KIAA1328: variants seen among roughly 807,000 people sequenced by gnomAD.
KIAA1328 encodes protein hinderin.
In KIAA1328, 52 loss-of-function variants were observed where a neutral mutation model predicts 68.1. The ratio of observed to expected loss-of-function variants is 0.76; its 90% CI spans 0.61 to 0.96. The LOEUF is 0.96. Ranked by LOEUF, KIAA1328 falls within the 40% of genes least tolerant of loss-of-function variation. The probability of loss-of-function intolerance (pLI) is 0.00; values close to 1 mark genes in which losing one functional copy is unlikely to be tolerated. For missense variants in KIAA1328, 641 were observed against 677.6 expected (o/e 0.95, Z 0.60); for synonymous variants, 232 against 239.4 (o/e 0.97, Z 0.28).
At chr18:36,873,995 T>A (rs1271501804) in intron 4 of KIAA1328, among the ~76,000 whole-genome samples, 2 of 152,240 alleles carry the variant, frequency 1.3e-5, no homozygotes, top group Non-Finnish European at 2.9e-5. Flanking sequence ...GCTTCATCCA[T>A]GTCCCTGCAA....
At chr18:37,174,549 A>AT (rs1271919302) in intron 9 of KIAA1328, among the ~76,000 whole-genome samples, 85 of 147,418 alleles carry the variant, frequency 5.8e-4, no homozygotes, top group Non-Finnish European at 1.0e-3. Context: ...CACCCGGCTA[A>AT]TTTTTTTTTG....
intron 4 of KIAA1328, among the ~76,000 whole-genome samples, chr18:36,876,127 CT>C (rs112048351): frequency 6.6e-6 from 1 of 151,928 alleles, no homozygotes; most frequent in Admixed American, 6.6e-5. Flanking sequence ...GTGAAATTTT[CT>C]TTTTTTGTTG....
At chr18:37,019,981 G>C (rs921087848) in intron 6 of KIAA1328, among the ~76,000 whole-genome samples, 1 of 152,172 alleles carries the variant, frequency 6.6e-6, no homozygotes. Flanking sequence ...CAGTCTACTG[G>C]TCCAGGTGAG....
At chr18:37,195,761 C>G (rs1264900294) in intron 9 of KIAA1328, among the ~76,000 whole-genome samples, 2 of 152,102 alleles carry the variant, frequency 1.3e-5, no homozygotes, top group Admixed American at 1.3e-4. Context: ...TTTTGTTTTG[C>G]TCAGGCTTTC....
In KIAA1328 at chr18:37,175,896, T is replaced by C. The variant is rs139826398; in HGVS notation, c.1523+2815T>C. Among the ~76,000 whole-genome samples, 215 of 152,296 alleles carry C rather than the reference T, an allele frequency of 1.4e-3. 2 individuals are homozygous for C. The East Asian group carries it at 0.037, about 26-fold the overall frequency. On this transcript the variant is annotated intron_variant, in intron 9 of 9. Transcript: ENST00000280020. ...CAAACAAGGATGGGGGTGAGACAGA[T>C]GCCAGTGGGAGACAGGTTTTCCTTT... is the stretch of plus-strand genomic sequence containing the variant.
At chr18:36,860,443 A>G (rs560270806) in intron 4 of KIAA1328, among the ~76,000 whole-genome samples, 14 of 152,194 alleles carry the variant, frequency 9.2e-5, no homozygotes, top group African/African-American at 3.4e-4. Flanking sequence ...GTTTTATACA[A>G]TTATAGCTGC....
At chr18:37,227,018 C>T (rs1166376247), downstream of KIAA1328, among the ~76,000 whole-genome samples, 3 of 152,174 alleles carry the variant, frequency 2.0e-5, no homozygotes, top group African/African-American at 7.2e-5. Context: ...CCGCCTGCCT[C>T]GGCCTCTCAA....
chr18:37,075,763 A>G (rs1276878834), intron 7 of KIAA1328: 1 of 152,268 alleles, frequency 6.6e-6, no homozygotes, highest in Non-Finnish European at 1.5e-5. Context: ...TAAAGGTATC[A>G]ATTCAACAAG....
rs149390563 is a variant in KIAA1328, at chr18:37,192,638, GTC to G, written c.1523+19562_1523+19563del. 2.6e-3 allele frequency among the ~76,000 whole-genome samples: 399 copies of G among 152,270 alleles called. 3 individuals carry two copies. The highest frequency in any genetic ancestry group is 4.4e-3 in the Non-Finnish European group (301 of 68,036). On this transcript the variant is annotated intron_variant, in intron 9 of 9. Coordinates refer to ENST00000280020, the MANE Select transcript of KIAA1328 (RefSeq NM_020776.3). ...GACTCCAAGCTGTCCAACAGTGCTTGTCTCTCAGTACAATCAAGGTTAGGATC... is the reference window on the plus strand; with the variant it reads ...GACTCCAAGCTGTCCAACAGTGCTTGTCTCAGTACAATCAAGGTTAGGATC...
At chr18:36,929,650 A>G (rs1313685029) in intron 5 of KIAA1328, among the ~76,000 whole-genome samples, 3 of 152,016 alleles carry the variant, frequency 2.0e-5, no homozygotes, top group African/African-American at 4.8e-5. Flanking sequence ...TTTGGGAGGT[A>G]ATTAGGTCTT....
At chr18:36,858,520 G>A (rs1280991837) in intron 4 of KIAA1328, among the ~76,000 whole-genome samples, 1 of 152,118 alleles carries the variant, frequency 6.6e-6, no homozygotes, top group Non-Finnish European at 1.5e-5. Flanking sequence ...GTATAGTACT[G>A]TTAATTAGCC....
intron 6 of KIAA1328, among the ~76,000 whole-genome samples, chr18:37,045,808 A>G (rs2055446141): frequency 6.6e-6 from 1 of 152,198 alleles, no homozygotes. Flanking sequence ...CTTACATTCC[A>G]AAGTTCACAA....
At chr18:36,974,378 C>G (rs1039376147) in intron 6 of KIAA1328, among the ~76,000 whole-genome samples, 1 of 152,146 alleles carries the variant, frequency 6.6e-6, no homozygotes, top group Non-Finnish European at 1.5e-5. Flanking sequence ...ATCTAGCTCT[C>G]ATTTCTAAGT....
At chr18:37,111,980 G>A (rs897359497) in intron 7 of KIAA1328, among the ~76,000 whole-genome samples, 5 of 152,312 alleles carry the variant, frequency 3.3e-5, no homozygotes, top group South Asian at 4.1e-4. Flanking sequence ...GTGGAGGGAC[G>A]TCCGCCATTG....
At chr18:37,087,769 G>A (rs910822712) in intron 7 of KIAA1328, among the ~76,000 whole-genome samples, 5 of 152,092 alleles carry the variant, frequency 3.3e-5, no homozygotes. Context: ...AGGGATAGAA[G>A]CATTATTTAA....
At chr18:36,896,177 G>A (rs910654721) in intron 5 of KIAA1328, among the ~76,000 whole-genome samples, 7 of 151,886 alleles carry the variant, frequency 4.6e-5, no homozygotes, top group Non-Finnish European at 1.0e-4. Context: ...TTCAGATATC[G>A]TTCTCTGATC....
chr18:37,118,849 G>A (rs918487576), intron 7 of KIAA1328, among the ~76,000 whole-genome samples: 3 of 152,056 alleles, frequency 2.0e-5, no homozygotes, highest in South Asian at 2.1e-4. Flanking sequence ...CCTTAACTAC[G>A]GAGGAAACAG....
At chr18:37,097,034 C>T (rs1022836875) in intron 7 of KIAA1328, among the ~76,000 whole-genome samples, 4 of 152,068 alleles carry the variant, frequency 2.6e-5, no homozygotes, top group Non-Finnish European at 5.9e-5. Flanking sequence ...TGCCTGTTCA[C>T]TCTGATGGTA....
chr18:36,876,758 T>C (rs2048141817), intron 4 of KIAA1328, among the ~76,000 whole-genome samples: 1 of 152,202 alleles, frequency 6.6e-6, no homozygotes, highest in Admixed American at 6.5e-5. Context: ...GTTCTTTTAA[T>C]TGTGATGTTA....
Sources: gnomAD v4.1 joint callset for allele counts (sites outside exome capture counted in the v4.1 genomes callset) on GRCh38, gnomAD v4.1.1 for gene constraint, MANE v1.5 for transcripts, NCBI Gene and HGNC (gene_info 2026-07-23, HGNC 2026-07-21) for gene names.